Variants in RSRP1 observed in about 807,000 individuals in gnomAD.
RSRP1 encodes arginine and serine rich protein 1, also known as arginine/serine-rich protein 1.
In RSRP1, 37 loss-of-function variants were observed where a neutral mutation model predicts 33.0. That is an observed-to-expected ratio of 1.12 (90% confidence interval 0.86 to 1.48). The LOEUF is 1.48. RSRP1 is among the 40% of genes most tolerant of loss of function. The pLI is 0.00. For missense variants in RSRP1, 402 were observed against 385.3 expected, an observed-to-expected ratio of 1.04 and a Z score of -0.36; for synonymous variants, 167 against 158.7, an observed-to-expected ratio of 1.05 and a Z score of -0.40.
chr1:25,315,749 G>A (rs1301481671), intron 1 of RSRP1, among the ~76,000 whole-genome samples: 1 of 130,036 alleles, frequency 7.7e-6, no homozygotes, highest in Non-Finnish European at 1.8e-5. Flanking sequence ...GCCCGCCTCG[G>A]CCTCCCAAAG....
chr1:25,261,517 G>A (rs1199422800), intron 1 of RSRP1, among the ~76,000 whole-genome samples: 1 of 149,650 alleles, frequency 6.7e-6, no homozygotes, highest in Non-Finnish European at 1.5e-5. Context: ...CCATTCTCTT[G>A]CCTCAGTCTC....
chr1:25,251,375 T>C (rs1430421233), upstream of RSRP1, among the ~76,000 whole-genome samples: 1 of 152,122 alleles, frequency 6.6e-6, no homozygotes, highest in East Asian at 1.9e-4. Flanking sequence ...TTTTCCTTTT[T>C]TTTTTCTTTT....
intron 1 of RSRP1, among the ~76,000 whole-genome samples, chr1:25,316,215 G>T (rs1644430407): frequency 7.7e-6 from 1 of 130,496 alleles, no homozygotes; most frequent in African/African-American, 2.6e-5. Flanking sequence ...GGTCGTGGAA[G>T]TATGTTCAAG....
At chr1:25,302,209 T>C (rs1276302302) in intron 1 of RSRP1, among the ~76,000 whole-genome samples, 1 of 130,356 alleles carries the variant, frequency 7.7e-6, no homozygotes, top group Non-Finnish European at 1.8e-5. Context: ...GGGGAGTAAA[T>C]GGTAGGCAAA....
chr1:25,294,384 G>A (rs1165981926), intron 1 of RSRP1: 1 of 772,218 alleles, frequency 1.3e-6, no homozygotes, highest in Non-Finnish European at 2.3e-6. Flanking sequence ...CGCAGAGCAA[G>A]GATTCAAATA....
chr1:25,291,909 G>A (rs1229602190), intron 1 of RSRP1, among the ~76,000 whole-genome samples: 2 of 132,320 alleles, frequency 1.5e-5, no homozygotes, highest in Admixed American at 7.4e-5. Context: ...AGAGGGGAAG[G>A]GACTGCCCAA....
Position 25,263,461 on chromosome 1 carries a change from G to A in RSRP1, c.-66-16432C>T, listed in dbSNP as rs1448189487. 2.0e-5 allele frequency among the ~76,000 whole-genome samples: 3 copies of A among 151,860 alleles called. No individual in the cohort carries two copies. In the East Asian group the frequency reaches 5.8e-4, roughly 29 times the overall value. ...AAGTCACGTCTTACGTGGATGGCAGGCAAAGACAAAGACAGCTTGTGCAGA... is the reference window on the plus strand; with the variant it reads ...AAGTCACGTCTTACGTGGATGGCAGACAAAGACAAAGACAGCTTGTGCAGA... On this transcript the variant is annotated intron_variant, in intron 1 of 1. Coordinates refer to the RSRP1 transcript ENST00000561867.
At chr1:25,272,377 C>T in intron 1 of RSRP1, 2 of 901,844 alleles carry the variant, frequency 2.2e-6, no homozygotes, top group Non-Finnish European at 3.4e-6. Flanking sequence ...CATCATAGTC[C>T]CTCTGCTTCC....
At chr1:25,244,993 G>T (rs1639227171) in intron 3 of RSRP1, 157 bp downstream of exon 3, 2 of 1,521,610 alleles carry the variant, frequency 1.3e-6, no homozygotes, top group East Asian at 4.7e-5. Context: ...ATTTTCATGG[G>T]TTTGACATTG....
At chr1:25,335,511 G>T (rs892113505) in intron 1 of RSRP1, 1 of 3,476 alleles carries the variant, frequency 2.9e-4, no homozygotes, top group Admixed American at 3.0e-3. Context: ...ACCCATTTTT[G>T]AGTATCTACG....
In RSRP1 at chr1:25,334,826, G is replaced by T. The variant is rs1288715582; in HGVS notation, c.-67+3152C>A. Among the ~76,000 whole-genome samples, 2 of 132,374 alleles carry T rather than the reference G, an allele frequency of 1.5e-5. 1 individual carries two copies. The allele number at this position is 132,374 out of a possible 152,430, so 86.8% of individuals were successfully genotyped here. On this transcript the variant is annotated intron_variant, in intron 1 of 1. Transcript: ENST00000561867. ...CTCCTGTCAGTCATGGTTGGGAGTG[G>T]CTGGGATGCAGGGCACCAAGTCCCT...
chr1:25,261,506 G>C (rs1259317645), intron 1 of RSRP1, among the ~76,000 whole-genome samples: 1 of 150,774 alleles, frequency 6.6e-6, no homozygotes, highest in Non-Finnish European at 1.5e-5. Context: ...CCAGGTTCAC[G>C]CCATTCTCTT....
intron 1 of RSRP1, chr1:25,300,999 G>A: frequency 7.3e-7 from 1 of 1,375,742 alleles, no homozygotes; most frequent in East Asian, 2.2e-5. Flanking sequence ...CCTATTTTGG[G>A]CTGTCTGTGG....
rs1236068097 is a variant in RSRP1, at chr1:25,283,513, G to A, written c.-66-36484C>T. 4.8e-5 allele frequency among the ~76,000 whole-genome samples: 6 copies of A among 125,038 alleles called. 2 individuals are homozygous for A. The highest frequency in any genetic ancestry group is 9.2e-5 in the Non-Finnish European group (5 of 54,552). 82.0% of individuals were successfully genotyped at this position (125,038 alleles called of 152,430 possible). A position where few individuals can be genotyped will look rare whatever the true frequency, so the allele number is the denominator to read the frequency against. On this transcript the variant is annotated intron_variant, in intron 1 of 1. Transcript: ENST00000561867. ...GCCACTGTACTCCAGCCTGGGTGAC[G>A]AGTGAAACTCTATCTCGATATTAAA...
chr1:25,290,213 G>C (rs1002186066), intron 1 of RSRP1, among the ~76,000 whole-genome samples: 1 of 129,406 alleles, frequency 7.7e-6, no homozygotes, highest in African/African-American at 2.7e-5. Context: ...GGGGTGACTG[G>C]ATGTGGGCAG....
At chr1:25,244,423 CCT>C in intron 3 of RSRP1, 1 of 1,289,342 alleles carries the variant, frequency 7.8e-7, no homozygotes, top group Non-Finnish European at 1.0e-6. Context: ...TCAAATTAAA[CCT>C]CTGATGCTTT....
intron 1 of RSRP1, among the ~76,000 whole-genome samples, chr1:25,255,259 T>C (rs1279634379): frequency 1.3e-5 from 2 of 152,338 alleles, no homozygotes; most frequent in East Asian, 3.9e-4. Flanking sequence ...TTGAAGGTTA[T>C]ATGCAGTCTA....
intron 1 of RSRP1, among the ~76,000 whole-genome samples, chr1:25,299,075 A>T (rs1392989885): frequency 1.7e-5 from 2 of 119,028 alleles, no homozygotes; most frequent in African/African-American, 6.0e-5. Context: ...ATGGTGATAA[A>T]AAAAAAAAAA....
rs574631770 is a variant in RSRP1, at chr1:25,247,127, G to A, written c.-66-98C>T. ...GGGAACCTCCGGGAGGCGGAGCCAC[G>A]GCGCGGGCGGCGACCGCCGCGACAG... is the stretch of plus-strand genomic sequence containing the variant. On this transcript the variant is annotated intron_variant, in intron 1 of 4. Coordinates refer to ENST00000243189, the MANE Select transcript of RSRP1 (RefSeq NM_020317.5). 2.0e-5 allele frequency: 15 copies of A among 756,302 alleles called. No individual in the cohort carries two copies. The Admixed American group carries it at 2.4e-4, about 12-fold the overall frequency. 46.8% of individuals were successfully genotyped at this position (756,302 alleles called of 1,614,324 possible). A position where few individuals can be genotyped will look rare whatever the true frequency, so the allele number is the denominator to read the frequency against.
Sources: allele counts gnomAD v4.1 joint callset (sites outside exome capture counted in the v4.1 genomes callset), GRCh38; gene constraint gnomAD v4.1.1; transcripts MANE v1.5; gene names NCBI Gene and HGNC (gene_info 2026-07-23, HGNC 2026-07-21).